The following SYN3 variants were observed in gnomAD, a reference collection of about 807,000 sequenced individuals.
SYN3 encodes the protein synapsin III.
A neutral mutation model predicts 65.8 loss-of-function variants in SYN3; 35 were observed. That is an observed-to-expected ratio of 0.53 (90% CI 0.41 to 0.70). The LOEUF (loss-of-function observed/expected upper bound fraction) is 0.70. Among genes scored for constraint, SYN3 ranks in the 30% least tolerant of loss-of-function variants. The probability of loss-of-function intolerance (pLI) is 0.00; values close to 1 mark genes in which losing one functional copy is unlikely to be tolerated. For missense variants in SYN3, 680 were observed against 749.0 expected, an observed-to-expected ratio of 0.91 and a Z score of 1.08; for synonymous variants, 270 against 292.9, an observed-to-expected ratio of 0.92 and a Z score of 0.80.
chr22:32,860,177 T>C (rs1315932791), intron 6 of SYN3: 1 of 152,204 alleles, frequency 6.6e-6, no homozygotes, highest in Non-Finnish European at 1.5e-5. Context: ...GGTGAAAGAC[T>C]GAGATGAATG....
chr22:32,991,270 G>A (rs2052705661), intron 2 of SYN3, among the ~76,000 whole-genome samples: 1 of 149,840 alleles, frequency 6.7e-6, no homozygotes, highest in Non-Finnish European at 1.5e-5. Context: ...CTCGGGAGGC[G>A]GAGGTTGCAG....
At chr22:32,894,797 G>C (rs2049545230) in intron 4 of SYN3, among the ~76,000 whole-genome samples, 1 of 152,190 alleles carries the variant, frequency 6.6e-6, no homozygotes, top group Non-Finnish European at 1.5e-5. Flanking sequence ...TTGTGGGTGG[G>C]CTTCATCAGA....
At chr22:33,022,590 A>G (rs1219469445) in intron 1 of SYN3, among the ~76,000 whole-genome samples, 3 of 152,124 alleles carry the variant, frequency 2.0e-5, no homozygotes, top group Non-Finnish European at 4.4e-5. Flanking sequence ...TGAGTGGGAC[A>G]CCGTGGGTCC....
chr22:33,030,642 T>A (rs1446439701), intron 1 of SYN3, among the ~76,000 whole-genome samples: 1 of 144,382 alleles, frequency 6.9e-6, no homozygotes, highest in South Asian at 2.2e-4. Flanking sequence ...GAGAAACTTA[T>A]ATAGAGACTG....
At chr22:33,033,166 G>C (rs1002984794) in intron 1 of SYN3, among the ~76,000 whole-genome samples, 3 of 151,992 alleles carry the variant, frequency 2.0e-5, no homozygotes, top group Non-Finnish European at 2.9e-5. Flanking sequence ...ATTTTTAGTA[G>C]AGACGGGGTT....
At chr22:33,044,051 C>CAA (rs556885188) in intron 1 of SYN3, among the ~76,000 whole-genome samples, 8 of 119,650 alleles carry the variant, frequency 6.7e-5, no homozygotes, top group Non-Finnish European at 5.4e-5. Context: ...GACTCTGTCT[C>CAA]AAAAAAAAAA....
At chr22:32,592,166 G>T (rs2059136513) in intron 7 of SYN3, among the ~76,000 whole-genome samples, 1 of 152,122 alleles carries the variant, frequency 6.6e-6, no homozygotes, top group Non-Finnish European at 1.5e-5. Context: ...TTGACATTTT[G>T]GGGCAGTACA....
At chr22:32,866,654 A>G (rs1342634103) in intron 5 of SYN3, among the ~76,000 whole-genome samples, 1 of 152,150 alleles carries the variant, frequency 6.6e-6, no homozygotes, top group African/African-American at 2.4e-5. Flanking sequence ...GGTTGCTACT[A>G]TCGTGATAAC....
At chr22:32,984,011 T>C (rs182251132) in intron 2 of SYN3, among the ~76,000 whole-genome samples, 92 of 151,442 alleles carry the variant, frequency 6.1e-4, no homozygotes, top group African/African-American at 2.0e-3. Flanking sequence ...TACAAACAAT[T>C]AGCCAGGAGT....
intron 6 of SYN3, among the ~76,000 whole-genome samples, chr22:32,666,632 C>T (rs970152360): frequency 6.6e-6 from 1 of 152,216 alleles, no homozygotes; most frequent in African/African-American, 2.4e-5. Context: ...TTGTTTAACA[C>T]GGTGGCCCCT....
intron 3 of SYN3, among the ~76,000 whole-genome samples, chr22:32,937,417 A>T (rs1266781790): frequency 6.6e-6 from 1 of 152,202 alleles, no homozygotes; most frequent in African/African-American, 2.4e-5. Context: ...TCTATAAAGA[A>T]AAGAGATTTA....
rs1286469047 is a variant in SYN3 at position 32,511,593 on chromosome 22, A to G, written c.*2099T>C. Reference sequence around the variant, plus strand: ...ACATGGAACTCAGCCGAGCATGGAGACAGAGTAAGGGTGGTGGGCTTTTTG... The same window carrying G: ...ACATGGAACTCAGCCGAGCATGGAGGCAGAGTAAGGGTGGTGGGCTTTTTG... On this transcript the variant is annotated 3_prime_UTR_variant, in exon 14 of 14. Transcript: ENST00000358763. 6.6e-6 allele frequency among the ~76,000 whole-genome samples: 1 copy of G among 152,172 alleles called. No homozygotes were observed. Among genetic ancestry groups the G allele is most frequent in the Non-Finnish European group, 1.5e-5 (1 of 68,020 alleles).
intron 6 of SYN3, among the ~76,000 whole-genome samples, chr22:32,603,650 C>T (rs1358470143): frequency 4.6e-5 from 7 of 152,170 alleles, no homozygotes; most frequent in Non-Finnish European, 8.8e-5. Context: ...AAATGGGTGT[C>T]GAAGGCCATT....
At chr22:32,711,792 T>C (rs983820998) in intron 6 of SYN3, among the ~76,000 whole-genome samples, 1 of 152,208 alleles carries the variant, frequency 6.6e-6, no homozygotes, top group Non-Finnish European at 1.5e-5. Flanking sequence ...TTGTTAGAAT[T>C]TGCATTTCTT....
intron 6 of SYN3, among the ~76,000 whole-genome samples, chr22:32,729,795 C>T (rs117950471): frequency 0.022 from 3,340 of 152,250 alleles, 48 homozygotes; most frequent in Admixed American, 0.036. Context: ...ATTGGAATCC[C>T]TTCTCTTCCA....
At chr22:32,633,103 C>A (rs371531526) in intron 6 of SYN3, among the ~76,000 whole-genome samples, 1 of 152,234 alleles carries the variant, frequency 6.6e-6, no homozygotes, top group Non-Finnish European at 1.5e-5. Context: ...GAGGAATAAC[C>A]GCACATTGCC....
chr22:32,647,526 A>G (rs9619288), intron 6 of SYN3, among the ~76,000 whole-genome samples: 16,400 of 151,388 alleles, frequency 0.11, 1,452 homozygotes, highest in African/African-American at 0.25. Context: ...GGCTCACTGC[A>G]GCCTTGGCCT....
rs371081522 is a variant in SYN3 at position 32,627,025 on chromosome 22, CAG to C, written c.712-30291_712-30290del. Among the ~76,000 whole-genome samples the C allele has an allele frequency of 2.7e-3, 412 of 152,286 alleles. 9 individuals are homozygous for C. The Middle Eastern group carries it at 0.037, about 14-fold the overall frequency. Reference sequence around the variant, plus strand: ...CAGATGATGCTCTTATGCCCCCACACAGAGTCTCAGTTCCCATGGAGGGCCTG... The same window carrying C: ...CAGATGATGCTCTTATGCCCCCACACAGTCTCAGTTCCCATGGAGGGCCTG... On this transcript the variant is annotated intron_variant, in intron 6 of 13. Coordinates refer to ENST00000358763, the MANE Select transcript of SYN3 (RefSeq NM_003490.4).
At chr22:32,884,679 C>T (rs557455048) in intron 4 of SYN3, among the ~76,000 whole-genome samples, 31 of 152,306 alleles carry the variant, frequency 2.0e-4, no homozygotes, top group African/African-American at 7.5e-4. Context: ...AGGAGACAGA[C>T]CATCCTGGCC....
Sources: gnomAD v4.1 joint callset for allele counts (sites outside exome capture counted in the v4.1 genomes callset) on GRCh38, gnomAD v4.1.1 for gene constraint, MANE v1.5 for transcripts, NCBI Gene and HGNC (gene_info 2026-07-23, HGNC 2026-07-21) for gene names.